Variants in FGF5 observed in about 807,000 individuals in gnomAD.
FGF5 encodes the protein fibroblast growth factor 5, also known as heparin-binding growth factor 5.
FGF5 carries 23 observed loss-of-function variants against 21.8 expected under a neutral mutation model. The ratio of observed to expected loss-of-function variants is 1.05; its 90% CI spans 0.76 to 1.49. The LOEUF (loss-of-function observed/expected upper bound fraction) is 1.49. FGF5 is among the 40% of genes most tolerant of loss of function. FGF5 has a pLI of 0.00. For synonymous variants in FGF5, 158 were observed against 124.0 expected (o/e 1.27, Z -1.82); for missense variants, 352 against 332.9 (o/e 1.06, Z -0.45).
intron 1 of FGF5, among the ~76,000 whole-genome samples, chr4:80,267,601 G>A (rs528138768): frequency 1.3e-5 from 2 of 152,264 alleles, no homozygotes; most frequent in South Asian, 4.1e-4. Context: ...CATAACTGAA[G>A]TTATTTTTTG....
chr4:80,271,089 G>A (rs906098566), intron 1 of FGF5, among the ~76,000 whole-genome samples: 1 of 152,146 alleles, frequency 6.6e-6, no homozygotes, highest in African/African-American at 2.4e-5. Context: ...ATTTTTGTCT[G>A]GGGATTTTCA....
rs567660050 is a variant in FGF5 at position 80,287,435 on chromosome 4, A to C, written c.*763A>C. 10 of 152,354 alleles carry C rather than the reference A, an allele frequency of 6.6e-5. No homozygotes were observed. Among genetic ancestry groups the C allele is most frequent in the African/African-American group, 2.2e-4 (9 of 41,580 alleles). 9.4% of individuals were successfully genotyped at this position (152,354 alleles called of 1,614,324 possible). On this transcript the variant is annotated 3_prime_UTR_variant, in exon 3 of 3. Transcript: ENST00000312465. Reference sequence around the variant, plus strand: ...GGTGGCTGGGATATGATGGGTTAGAAGCAAGGAGAAAATATAAGGACTTTT... The same window carrying C: ...GGTGGCTGGGATATGATGGGTTAGACGCAAGGAGAAAATATAAGGACTTTT...
In FGF5 at chr4:80,286,653, T is replaced by TCAAGTTTCG; in HGVS notation, c.790_798dup (p.Lys264_Arg266dup). Reference sequence around the variant, plus strand: ...AATACCAACTCAGTGAAATACAGACTCAAGTTTCGCTTTGGATAATATTCC... The same window carrying TCAAGTTTCG: ...AATACCAACTCAGTGAAATACAGACTCAAGTTTCGCAAGTTTCGCTTTGGATAATATTCC... On this transcript the variant is annotated inframe_insertion, in exon 3 of 3. Coordinates refer to ENST00000312465, the MANE Select transcript of FGF5 (RefSeq NM_004464.4). 1 of 1,613,646 alleles carries TCAAGTTTCG rather than the reference T, an allele frequency of 6.2e-7. No homozygotes were observed. Among genetic ancestry groups the TCAAGTTTCG allele is most frequent in the Admixed American group, 1.7e-5 (1 of 59,938 alleles).
At position 80,286,720 on chromosome 4, in the gene FGF5, C is replaced by T. The variant is rs1720742382; in HGVS notation, c.*48C>T. 6.9e-7 allele frequency: 1 copy of T among 1,456,254 alleles called. No individual in the cohort carries two copies. 90.2% of individuals were successfully genotyped at this position (1,456,254 alleles called of 1,614,324 possible). On this transcript the variant is annotated 3_prime_UTR_variant, in exon 3 of 3. Coordinates refer to ENST00000312465, the MANE Select transcript of FGF5 (RefSeq NM_004464.4). ...AACCATTCTTTCCCCTCAGGAGTTTCTATAGGTGTCTTCAGAGTTCTGAAG... is the reference window on the plus strand; with the variant it reads ...AACCATTCTTTCCCCTCAGGAGTTTTTATAGGTGTCTTCAGAGTTCTGAAG...
chr4:80,269,461 A>G (rs1257589895), intron 1 of FGF5, among the ~76,000 whole-genome samples: 2 of 152,104 alleles, frequency 1.3e-5, no homozygotes, highest in Non-Finnish European at 2.9e-5. Context: ...CAAAGGGGGG[A>G]AAATAAGAGC....
intron 1 of FGF5, among the ~76,000 whole-genome samples, chr4:80,273,474 C>T (rs1026029386): frequency 3.3e-5 from 5 of 152,032 alleles, no homozygotes; most frequent in Non-Finnish European, 7.4e-5. Flanking sequence ...TAAAGTTACT[C>T]ACATATATTT....
rs1720792428 is a variant in FGF5 at position 80,288,174 on chromosome 4, G to A, written c.*1502G>A. 6.6e-6 allele frequency: 1 copy of A among 152,078 alleles called. No homozygotes were observed. Among genetic ancestry groups the A allele is most frequent in the African/African-American group, 2.4e-5 (1 of 41,420 alleles). 9.4% of individuals were successfully genotyped at this position (152,078 alleles called of 1,614,324 possible). ...AACTTCATGGTTTGCATTTAAACAT[G>A]TTTAAAGTGTACTTATAAACTATTT... On this transcript the variant is annotated 3_prime_UTR_variant, in exon 3 of 3. Coordinates refer to ENST00000312465, the MANE Select transcript of FGF5 (RefSeq NM_004464.4).
Position 80,287,451 on chromosome 4 carries a change from A to G in FGF5, c.*779A>G, listed in dbSNP as rs1166513817. On this transcript the variant is annotated 3_prime_UTR_variant, in exon 3 of 3. Coordinates refer to ENST00000312465, the MANE Select transcript of FGF5 (RefSeq NM_004464.4). Reference sequence around the variant, plus strand: ...TGGGTTAGAAGCAAGGAGAAAATATAAGGACTTTTTGATGGAATTAAATGT... The same window carrying G: ...TGGGTTAGAAGCAAGGAGAAAATATGAGGACTTTTTGATGGAATTAAATGT... The G allele has an allele frequency of 6.6e-6, 1 of 152,170 alleles. No homozygotes were observed. The highest frequency in any genetic ancestry group is 1.5e-5 in the Non-Finnish European group (1 of 68,032). The allele number at this position is 152,170 out of a possible 1,614,324, so 9.4% of individuals were successfully genotyped here.
In FGF5 at chr4:80,286,680, C is replaced by T; in HGVS notation, c.*8C>T. The stretch of plus-strand genomic sequence containing the variant: ...AAGTTTCGCTTTGGATAATATTCCT[C>T]TTGGCCTTGTGAGAAACCATTCTTT... On this transcript the variant is annotated 3_prime_UTR_variant, in exon 3 of 3. Transcript: ENST00000312465. The T allele has an allele frequency of 6.2e-7, 1 of 1,606,150 alleles. No individual in the cohort carries two copies. The highest frequency in any genetic ancestry group is 8.5e-7 in the Non-Finnish European group (1 of 1,173,906).
intron 2 of FGF5, among the ~76,000 whole-genome samples, chr4:80,275,590 A>G (rs1312785752): frequency 6.6e-6 from 1 of 152,034 alleles, no homozygotes; most frequent in Non-Finnish European, 1.5e-5. Context: ...TAATACTATG[A>G]AAACTAATTT....
chr4:80,283,560 G>T (rs901165800), intron 2 of FGF5, among the ~76,000 whole-genome samples: 1 of 152,082 alleles, frequency 6.6e-6, no homozygotes, highest in African/African-American at 2.4e-5. Context: ...GTGTGTGTGT[G>T]CCTGTCATCT....
chr4:80,273,359 T>C (rs191153488), intron 1 of FGF5, among the ~76,000 whole-genome samples: 2 of 152,124 alleles, frequency 1.3e-5, no homozygotes, highest in African/African-American at 4.8e-5. Context: ...CTTTTTCACA[T>C]AAACTTTCTA....
rs774924885 is a variant in FGF5, at chr4:80,286,641, T to C, written c.776T>C (p.Val259Ala). ...GCACCTCGGAAAAATACCAACTCAG[T>C]GAAATACAGACTCAAGTTTCGCTTT... ...LSAPRKNTNS[V>A]KYRLKFRFG Residue 259 changes from valine (V) to alanine (A), a missense_variant, in exon 3 of 3, where the codon GTG becomes GCG. Val to Ala is a moderately conservative substitution (Grantham distance 64). Transcript: ENST00000312465. 1 of 1,613,904 alleles carries C rather than the reference T, an allele frequency of 6.2e-7. No homozygotes were observed. Among genetic ancestry groups the C allele is most frequent in the South Asian group, 1.1e-5 (1 of 91,082 alleles).
rs1355541241 is a variant in FGF5 at position 80,288,630 on chromosome 4, T to C, written c.*1958T>C. ...TAGTTTATTCTAATCTATTGTTAAG[T>C]ATTGTGCACTGTATACCAAGTTCTT... is the stretch of plus-strand genomic sequence containing the variant. On this transcript the variant is annotated 3_prime_UTR_variant, in exon 3 of 3. Transcript: ENST00000312465. The C allele has an allele frequency of 2.0e-5, 3 of 152,492 alleles. No individual in the cohort carries two copies. The highest frequency in any genetic ancestry group is 4.4e-5 in the Non-Finnish European group (3 of 68,034). 9.4% of individuals were successfully genotyped at this position (152,492 alleles called of 1,614,324 possible).
At chr4:80,280,547 A>G (rs1361365661) in intron 2 of FGF5, among the ~76,000 whole-genome samples, 1 of 152,224 alleles carries the variant, frequency 6.6e-6, no homozygotes, top group Non-Finnish European at 1.5e-5. Flanking sequence ...TAGGAATCAG[A>G]AGATGCAATT....
chr4:80,273,250 C>T (rs1720320487), intron 1 of FGF5, among the ~76,000 whole-genome samples: 1 of 151,386 alleles, frequency 6.6e-6, no homozygotes, highest in South Asian at 2.1e-4. Flanking sequence ...TTTAAAGAAA[C>T]ACCTATTAGT....
At chr4:80,267,492 A>G (rs1720130357) in intron 1 of FGF5, among the ~76,000 whole-genome samples, 1 of 152,198 alleles carries the variant, frequency 6.6e-6, no homozygotes, top group Non-Finnish European at 1.5e-5. Context: ...ACAGGAGAGA[A>G]CAAAAAACTC....
In FGF5 at chr4:80,286,547, T is replaced by A. The variant is rs777329535; in HGVS notation, c.682T>A (p.Ser228Thr). Residue 228 changes from serine to threonine, a missense_variant, in exon 3 of 3, where the codon TCT becomes ACT. Coordinates refer to ENST00000312465, the MANE Select transcript of FGF5 (RefSeq NM_004464.4). ...RFKQSEQPEL[S>T]FTVTVPEKKK... is the part of the protein sequence containing the mutation. ...CAAGCAGTCGGAGCAGCCAGAACTT[T>A]CTTTCACGGTTACTGTTCCTGAAAA... The A allele has an allele frequency of 6.2e-6, 10 of 1,613,914 alleles. No individual in the cohort carries two copies. The highest frequency in any genetic ancestry group is 1.3e-5 in the African/African-American group (1 of 74,898).
At chr4:80,267,276 G>A in intron 1 of FGF5, 97 bp downstream of exon 1, 1 of 1,012,396 alleles carries the variant, frequency 9.9e-7, no homozygotes, top group South Asian at 1.6e-5. Context: ...TCACCTTCCT[G>A]AGCCCAGGCC....
Sources: allele counts gnomAD v4.1 joint callset (sites outside exome capture counted in the v4.1 genomes callset), GRCh38; gene constraint gnomAD v4.1.1; transcripts MANE v1.5; gene names NCBI Gene and HGNC (gene_info 2026-07-23, HGNC 2026-07-21).